The following CHD2 variants were observed in gnomAD, a reference collection of about 807,000 sequenced individuals.
The protein encoded by CHD2 is ATP-dependent chromatin remodeler CHD2.
A neutral mutation model predicts 243.9 loss-of-function variants in CHD2; 28 were observed. The ratio of observed to expected loss-of-function variants is 0.11; its 90% CI spans 0.09 to 0.16. CHD2 has a LOEUF of 0.16. CHD2 is among the 10% of genes least tolerant of loss of function. The pLI is 1.00. For synonymous variants in CHD2, 775 were observed against 779.0 expected, an observed-to-expected ratio of 0.99 and a Z score of 0.09; for missense variants, 1,386 against 2,209.8, an observed-to-expected ratio of 0.63 and a Z score of 7.47.
At chr15:92,908,003 ATTTTTTTTTTTT>A (rs71877681) in intron 2 of CHD2, among the ~76,000 whole-genome samples, 5 of 107,642 alleles carry the variant, frequency 4.6e-5, no homozygotes, top group Non-Finnish European at 7.3e-5. Context: ...CTCTCTTAGA[ATTTTTTTTTTTT>A]TTTTTTTTTT....
At chr15:92,952,903 G>T (rs1229971482) in intron 13 of CHD2, among the ~76,000 whole-genome samples, 1 of 152,242 alleles carries the variant, frequency 6.6e-6, no homozygotes, top group African/African-American at 2.4e-5. Context: ...GTAGGTCTAG[G>T]AAATAGTGTG....
chr15:93,018,898 C>G (rs2054495615), intron 37 of CHD2, among the ~76,000 whole-genome samples: 1 of 152,194 alleles, frequency 6.6e-6, no homozygotes, highest in Admixed American at 6.5e-5. Flanking sequence ...ATTACATCTG[C>G]AAAGACCTAG....
chr15:92,921,814 G>T (rs1416234140), intron 2 of CHD2, among the ~76,000 whole-genome samples: 1 of 152,190 alleles, frequency 6.6e-6, no homozygotes, highest in African/African-American at 2.4e-5. Context: ...CAAGTTAAAA[G>T]ATGACACAGG....
At chr15:92,902,381 A>C in intron 2 of CHD2, 1 of 386,254 alleles carries the variant, frequency 2.6e-6, no homozygotes, top group Admixed American at 4.4e-5. Context: ...TCATATTATA[A>C]ATTTTAAATC....
At chr15:92,981,305 C>A in intron 23 of CHD2, 60 bp from the exon 24 acceptor site, 2 of 1,151,176 alleles carry the variant, frequency 1.7e-6, no homozygotes, top group African/African-American at 1.5e-5. Flanking sequence ...AATTTCTGGG[C>A]AACTAGGCAA....
At chr15:92,914,698 T>C (rs2052801677) in intron 2 of CHD2, among the ~76,000 whole-genome samples, 1 of 152,246 alleles carries the variant, frequency 6.6e-6, no homozygotes, top group African/African-American at 2.4e-5. Flanking sequence ...CTTATACATG[T>C]ACCTTTTTCT....
chr15:92,936,179 G>A (rs1459201788), intron 5 of CHD2, among the ~76,000 whole-genome samples: 4 of 152,266 alleles, frequency 2.6e-5, no homozygotes, highest in Middle Eastern at 3.4e-3. Flanking sequence ...TAGGGTGACC[G>A]TTGTAGCTTT....
chr15:92,940,440 C>G (rs965020952), intron 7 of CHD2, among the ~76,000 whole-genome samples: 1 of 152,064 alleles, frequency 6.6e-6, no homozygotes, highest in Non-Finnish European at 1.5e-5. Flanking sequence ...AAGCTAGATC[C>G]TGTCTCAAAA....
intron 34 of CHD2, among the ~76,000 whole-genome samples, chr15:93,008,199 G>A (rs1246675061): frequency 6.6e-6 from 1 of 152,210 alleles, no homozygotes; most frequent in African/African-American, 2.4e-5. Context: ...TGGAATGTGA[G>A]AGGCAGAGAC....
chr15:93,014,604 A>C (rs984474753), intron 36 of CHD2, 92 bp from the exon 37 acceptor site: 2 of 1,115,276 alleles, frequency 1.8e-6, no homozygotes, highest in Non-Finnish European at 2.6e-6. Flanking sequence ...AAGAAGGACA[A>C]GAAGGAGCTG....
intron 34 of CHD2, 100 bp from the exon 35 acceptor site, chr15:93,009,045 C>T (rs2054358135): frequency 1.5e-6 from 2 of 1,294,038 alleles, no homozygotes; most frequent in African/African-American, 3.0e-5. Flanking sequence ...AATTATATGG[C>T]ATAGGGGTGG....
At position 92,924,166 on chromosome 15, in the gene CHD2, T is replaced by C; in HGVS notation, c.63-155T>C. On this transcript the variant is annotated intron_variant, in intron 2 of 38. Coordinates refer to ENST00000394196, the MANE Select transcript of CHD2 (RefSeq NM_001271.4). ...TTTGAGAATGGTAGCAATAACGTTA[T>C]TTGGAATGTAAAAGTATAAATGTGA... 5.0e-6 allele frequency: 3 copies of C among 598,524 alleles called. No individual in the cohort carries two copies. In the South Asian group the frequency reaches 6.0e-5, roughly 12 times the overall value. The allele number at this position is 598,524 out of a possible 1,614,324, so 37.1% of individuals were successfully genotyped here.
chr15:93,011,010 A>G (rs2054386226), intron 35 of CHD2, among the ~76,000 whole-genome samples: 1 of 152,186 alleles, frequency 6.6e-6, no homozygotes, highest in Admixed American at 6.5e-5. Context: ...AATTTTCAAA[A>G]TGGTACTTTT....
intron 9 of CHD2, chr15:92,943,360 T>C (rs896385633): frequency 2.5e-5 from 9 of 355,414 alleles, no homozygotes; most frequent in Admixed American, 4.5e-5. Flanking sequence ...ATTTTGTAGA[T>C]GGGGAGAATA....
intron 37 of CHD2, 57 bp from the exon 38 acceptor site, chr15:93,019,955 G>C: frequency 6.5e-7 from 1 of 1,546,496 alleles, no homozygotes; most frequent in Non-Finnish European, 8.7e-7. Context: ...AAATTGTAGT[G>C]AAAGTGAAAT....
Position 92,970,596 on chromosome 15 carries a change from C to G in CHD2, c.2190-1169C>G, listed in dbSNP as rs553191004. Among the ~76,000 whole-genome samples, 28 of 152,234 alleles carry G rather than the reference C, an allele frequency of 1.8e-4. No homozygotes were observed. In the South Asian group the frequency reaches 4.8e-3, roughly 26 times the overall value. Reference sequence around the variant, plus strand: ...CAAATGCATTTTAACTTTGAATATCCTCCTTTCTCTTAGGTAAGTGGTAGC... The same window carrying G: ...CAAATGCATTTTAACTTTGAATATCGTCCTTTCTCTTAGGTAAGTGGTAGC... On this transcript the variant is annotated intron_variant, in intron 17 of 38. Coordinates refer to ENST00000394196, the MANE Select transcript of CHD2 (RefSeq NM_001271.4).
At position 92,980,765 on chromosome 15, in the gene CHD2, C is replaced by T. The variant is rs374849131; in HGVS notation, c.2877-50C>T. 1.9e-5 allele frequency: 24 copies of T among 1,271,068 alleles called. No homozygotes were observed. In the African/African-American group the frequency reaches 3.4e-4, roughly 18 times the overall value. 78.7% of individuals were successfully genotyped at this position (1,271,068 alleles called of 1,614,324 possible). A position where few individuals can be genotyped will look rare whatever the true frequency, so the allele number is the denominator to read the frequency against. On this transcript the variant is annotated intron_variant, in intron 22 of 38. Coordinates refer to ENST00000394196, the MANE Select transcript of CHD2 (RefSeq NM_001271.4). ...GAAGGATAGTTATTCTGAAGTAGAA[C>T]ACTTTAGAGGTTATTTGATGTTTCT...
At chr15:92,928,909 T>C in intron 4 of CHD2, 121 bp from the exon 5 acceptor site, 1 of 803,838 alleles carries the variant, frequency 1.2e-6, no homozygotes, top group East Asian at 2.8e-5. Context: ...GGTTTCTTTG[T>C]GTCTAAAAGC....
At chr15:92,906,662 A>ATTT (rs1491337436) in intron 2 of CHD2, among the ~76,000 whole-genome samples, 2,177 of 102,936 alleles carry the variant, frequency 0.021, 21 homozygotes, top group Non-Finnish European at 0.032. Flanking sequence ...GCTATGAGCC[A>ATTT]TCTTTTTTTT....
Sources: allele counts gnomAD v4.1 joint callset (sites outside exome capture counted in the v4.1 genomes callset), GRCh38; gene constraint gnomAD v4.1.1; transcripts MANE v1.5; gene names NCBI Gene and HGNC (gene_info 2026-07-23, HGNC 2026-07-21).